RIMS3: variants seen among roughly 807,000 people sequenced by gnomAD.
RIMS3 encodes the protein regulating synaptic membrane exocytosis protein 3.
A neutral mutation model predicts 29.2 loss-of-function variants in RIMS3; 15 were observed. The ratio of observed to expected loss-of-function variants is 0.51; its 90% CI spans 0.34 to 0.79. The LOEUF is 0.79. Among genes scored for constraint, RIMS3 ranks in the 30% least tolerant of loss-of-function variants. The probability of loss-of-function intolerance (pLI) is 0.01; values close to 1 mark genes in which losing one functional copy is unlikely to be tolerated. For missense variants in RIMS3, 342 were observed against 421.4 expected (o/e 0.81, Z 1.65); for synonymous variants, 161 against 170.1 (o/e 0.95, Z 0.41).
chr1:40,677,473 C>T, the RIMS3 span, among the ~76,000 whole-genome samples: 90 of 150,842 alleles, frequency 6.0e-4, no homozygotes, highest in Middle Eastern at 3.5e-3. Flanking sequence ...CCAAGGCAGG[C>T]GGATCACGAG....
In RIMS3 at chr1:40,624,959, C is replaced by G. The variant is rs1646444755; in HGVS notation, c.*1558G>C. 2 of 152,662 alleles carry G rather than the reference C, an allele frequency of 1.3e-5. No individual in the cohort carries two copies. Among genetic ancestry groups the G allele is most frequent in the Non-Finnish European group, 2.9e-5 (2 of 68,152 alleles). 9.5% of individuals were successfully genotyped at this position (152,662 alleles called of 1,614,324 possible). A position where few individuals can be genotyped will look rare whatever the true frequency, so the allele number is the denominator to read the frequency against. On this transcript the variant is annotated 3_prime_UTR_variant, in exon 8 of 8. Coordinates refer to ENST00000372684, the MANE Select transcript of RIMS3 (RefSeq NM_014747.3). ...AAAGAGTGCCTTCCACACACCTCCA[C>G]TGTCCTGCTGCTTTCTCCCCTACCA...
chr1:40,675,712 C>T, the RIMS3 span, among the ~76,000 whole-genome samples: 2 of 143,620 alleles, frequency 1.4e-5, no homozygotes, highest in East Asian at 2.0e-4. Context: ...GAGCTGAGAT[C>T]GTGCCATTGC....
intron 3 of RIMS3, among the ~76,000 whole-genome samples, chr1:40,637,375 G>A (rs1265620768): frequency 6.6e-6 from 1 of 152,174 alleles, no homozygotes; most frequent in East Asian, 1.9e-4. Flanking sequence ...GGCGGGACAG[G>A]CTGAGAACAG....
At position 40,641,740 on chromosome 1, in the gene RIMS3, C is replaced by G. The variant is rs1425132155; in HGVS notation, c.186G>C (p.Trp62Cys). ...KMVAIVGLTQ[W>C]SKSTLQLPQP... ...GCGGAAGCTGGAGTGTGCTCTTGCT[C>G]CACTGAGTCAGGCCCACGATGGCCA... The change falls in exon 3 of 8, where the codon TGG becomes TGC. Residue 62 changes from tryptophan to cysteine, a missense_variant. Physicochemically the swap from Trp to Cys is radical, Grantham distance 215. Coordinates refer to ENST00000372684, the MANE Select transcript of RIMS3 (RefSeq NM_014747.3). 1 of 1,614,014 alleles carries G rather than the reference C, an allele frequency of 6.2e-7. No individual in the cohort carries two copies. The highest frequency in any genetic ancestry group is 8.5e-7 in the Non-Finnish European group (1 of 1,179,966).
the RIMS3 span, among the ~76,000 whole-genome samples, chr1:40,685,315 TA>T: frequency 5.1e-5 from 1 of 19,648 alleles, no homozygotes; most frequent in Non-Finnish European, 1.0e-4. Flanking sequence ...TTAATATATA[TA>T]ATTATTAATA....
the RIMS3 span, among the ~76,000 whole-genome samples, chr1:40,680,339 T>TG: frequency 6.6e-6 from 1 of 150,830 alleles, no homozygotes; most frequent in Non-Finnish European, 1.5e-5. Context: ...AGTTTTTTTT[T>TG]TTTTTTTTTT....
the RIMS3 span, among the ~76,000 whole-genome samples, chr1:40,678,123 CA>C: frequency 6.6e-6 from 1 of 152,148 alleles, no homozygotes; most frequent in Non-Finnish European, 1.5e-5. Flanking sequence ...AAAAAGGAAG[CA>C]GGGCCAGGTG....
chr1:40,677,959 G>A, the RIMS3 span, among the ~76,000 whole-genome samples: 417 of 152,260 alleles, frequency 2.7e-3, no homozygotes, highest in Middle Eastern at 0.017. Context: ...AAGTAAGCTA[G>A]GTTGGATGTA....
intron 1 of RIMS3, among the ~76,000 whole-genome samples, chr1:40,651,489 C>T (rs1474111911): frequency 6.6e-6 from 1 of 152,228 alleles, no homozygotes; most frequent in Admixed American, 6.5e-5. Flanking sequence ...TGAGAGTCTA[C>T]ATTTCTGTTG....
upstream of RIMS3, among the ~76,000 whole-genome samples, chr1:40,670,432 C>G (rs1325622175): frequency 6.6e-6 from 1 of 151,546 alleles, no homozygotes; most frequent in Non-Finnish European, 1.5e-5. Flanking sequence ...CACAAAGGCC[C>G]TGAAGTTGCT....
chr1:40,641,653 T>A (rs1646558095), intron 3 of RIMS3, 56 bp downstream of exon 3: 1 of 1,553,140 alleles, frequency 6.4e-7, no homozygotes, highest in Admixed American at 1.7e-5. Context: ...CCCTGGGTAG[T>A]CTGTCTTTGC....
At chr1:40,683,830 G>A in the RIMS3 span, among the ~76,000 whole-genome samples, 5 of 152,204 alleles carry the variant, frequency 3.3e-5, no homozygotes, top group East Asian at 9.6e-4. Flanking sequence ...TCTGTCCTCT[G>A]ACCTCTTTAC....
rs180939811 is a variant in RIMS3, at chr1:40,635,814, T to C, written c.359+102A>G. On this transcript the variant is annotated intron_variant, in intron 4 of 7. Coordinates refer to ENST00000372684, the MANE Select transcript of RIMS3 (RefSeq NM_014747.3). This position sits in a 1 kb window ranked among gnomAD's most constrained non-coding sequence, Gnocchi z 4.1. ...AGAGACACAGAGGACCCAGACATTT[T>C]AGCTGGAAACAAAACAGGGAGGCTT... 7.3e-4 allele frequency: 1,085 copies of C among 1,484,776 alleles called. 1 individual carries two copies. The highest frequency in any genetic ancestry group is 9.0e-4 in the Non-Finnish European group (985 of 1,090,294). The allele number at this position is 1,484,776 out of a possible 1,614,324, so 92.0% of individuals were successfully genotyped here.
At chr1:40,644,703 C>A (rs1432098307) in intron 2 of RIMS3, among the ~76,000 whole-genome samples, 3 of 152,176 alleles carry the variant, frequency 2.0e-5, no homozygotes, top group African/African-American at 7.2e-5. Flanking sequence ...AAGTCAGTAT[C>A]CTCTGCTCAG....
the RIMS3 span, among the ~76,000 whole-genome samples, chr1:40,680,330 G>GTTTT: frequency 3.9e-5 from 5 of 127,156 alleles, no homozygotes; most frequent in East Asian, 6.7e-4. Context: ...AGAGTAAATA[G>GTTTT]TTTTTTTTTT....
rs556968290 is a variant in RIMS3 at position 40,663,415 on chromosome 1, G to A, written c.-207+1979C>T. 5.3e-5 allele frequency among the ~76,000 whole-genome samples: 8 copies of A among 152,220 alleles called. No homozygotes were observed. In the South Asian group the frequency reaches 6.2e-4, roughly 12 times the overall value. ...GGGAGAAGGTTGTGGCTGGGGAGTG[G>A]GGCAGGTGAGAGTTCTCACATGGCA... is the stretch of plus-strand genomic sequence containing the variant. On this transcript the variant is annotated intron_variant, in intron 1 of 7. Coordinates refer to ENST00000372684, the MANE Select transcript of RIMS3 (RefSeq NM_014747.3).
In RIMS3 at chr1:40,625,795, AAGG is replaced by A. The variant is rs1416815953; in HGVS notation, c.*719_*721del. 31 of 153,064 alleles carry A rather than the reference AAGG, an allele frequency of 2.0e-4. 1 individual carries two copies. The highest frequency in any genetic ancestry group is 6.5e-4 in the African/African-American group (27 of 41,560). The allele number at this position is 153,064 out of a possible 1,614,324, so 9.5% of individuals were successfully genotyped here. On this transcript the variant is annotated 3_prime_UTR_variant, in exon 8 of 8. Coordinates refer to ENST00000372684, the MANE Select transcript of RIMS3 (RefSeq NM_014747.3). Reference sequence around the variant, plus strand: ...CCAAGACCTCGTGCTTCACTGGAAGAAGGAGGAGGTTCCAGCCTCATAGAGAAA... The same window carrying A: ...CCAAGACCTCGTGCTTCACTGGAAGAAGGAGGTTCCAGCCTCATAGAGAAA...
chr1:40,665,785 G>T (rs536564765), upstream of RIMS3: 9 of 153,012 alleles, frequency 5.9e-5, no homozygotes, highest in South Asian at 1.7e-3. Context: ...GGTGGGCGGG[G>T]CCTAGGGGAA....
chr1:40,649,297 G>A (rs1397210434), intron 1 of RIMS3, among the ~76,000 whole-genome samples: 5 of 152,180 alleles, frequency 3.3e-5, no homozygotes, highest in Non-Finnish European at 7.4e-5. Context: ...ACTTAAAGAC[G>A]CAATCATATG....
Sources: gnomAD v4.1 joint callset for allele counts (sites outside exome capture counted in the v4.1 genomes callset) on GRCh38, gnomAD v4.1.1 for gene constraint, Gnocchi (gnomAD v3.1) non-coding constraint, MANE v1.5 for transcripts, NCBI Gene and HGNC (gene_info 2026-07-23, HGNC 2026-07-21) for gene names.